Variants in RALGPS1 observed in about 807,000 individuals in gnomAD.
The protein encoded by RALGPS1 is ras-specific guanine nucleotide-releasing factor RalGPS1.
Under a neutral mutation model 78.8 loss-of-function variants are expected in RALGPS1, and 19 were observed. That is an observed-to-expected ratio of 0.24 (90% confidence interval 0.17 to 0.35). The LOEUF (loss-of-function observed/expected upper bound fraction) is 0.35. Ranked by LOEUF, RALGPS1 falls within the 10% of genes least tolerant of loss-of-function variation. The pLI is 1.00. For synonymous variants in RALGPS1, 228 were observed against 256.3 expected, an observed-to-expected ratio of 0.89 and a Z score of 1.06; for missense variants, 454 against 688.3, an observed-to-expected ratio of 0.66 and a Z score of 3.81.
chr9:126,986,053 A>C (rs2133032119), intron 4 of RALGPS1, among the ~76,000 whole-genome samples: 1 of 152,360 alleles, frequency 6.6e-6, no homozygotes, highest in Non-Finnish European at 1.5e-5. Flanking sequence ...TGGTGAGCTC[A>C]GCCTTTTGAA....
chr9:127,158,102 C>G (rs2058805977), intron 8 of RALGPS1, among the ~76,000 whole-genome samples: 1 of 152,016 alleles, frequency 6.6e-6, no homozygotes, highest in African/African-American at 2.4e-5. Flanking sequence ...AATGGTTATG[C>G]TAGAATCGTA....
intron 4 of RALGPS1, among the ~76,000 whole-genome samples, chr9:126,999,375 G>A (rs1243152137): frequency 2.0e-5 from 3 of 152,118 alleles, no homozygotes; most frequent in African/African-American, 4.8e-5. Context: ...AATTCGTGGT[G>A]TTGTGCATTC....
At chr9:127,045,454 A>G (rs953229617) in intron 5 of RALGPS1, among the ~76,000 whole-genome samples, 1 of 152,192 alleles carries the variant, frequency 6.6e-6, no homozygotes, top group Non-Finnish European at 1.5e-5. Flanking sequence ...ATGGGTAACA[A>G]TTCTGAAACC....
At chr9:127,188,873 G>A (rs1413643532) in intron 11 of RALGPS1, among the ~76,000 whole-genome samples, 4 of 117,128 alleles carry the variant, frequency 3.4e-5, no homozygotes, top group Non-Finnish European at 5.7e-5. Flanking sequence ...TGTGGCGTAC[G>A]CCTATAATCC....
intron 4 of RALGPS1, among the ~76,000 whole-genome samples, chr9:126,982,233 G>A (rs1227557809): frequency 6.6e-6 from 1 of 152,218 alleles, no homozygotes; most frequent in Non-Finnish European, 1.5e-5. Context: ...ACACCAGCAA[G>A]TAGGAAGTGG....
chr9:126,944,733 C>T (rs1018820319), intron 1 of RALGPS1, among the ~76,000 whole-genome samples: 3 of 152,074 alleles, frequency 2.0e-5, no homozygotes, highest in East Asian at 3.8e-4. Flanking sequence ...TTAATAGGTA[C>T]CACACTGTTT....
intron 2 of RALGPS1, among the ~76,000 whole-genome samples, chr9:126,964,739 AGTTCCTG>A (rs1181759983): frequency 3.3e-5 from 5 of 150,872 alleles, no homozygotes; most frequent in African/African-American, 1.2e-4. Context: ...TGCAGGTTTA[AGTTCCTG>A]CTCCTCTTTT....
chr9:127,165,927 G>T (rs1009956449), intron 8 of RALGPS1, 142 bp from the exon 9 acceptor site: 1 of 1,274,444 alleles, frequency 7.8e-7, no homozygotes, highest in Non-Finnish European at 1.0e-6. Context: ...TAGTAATCAG[G>T]ATTGGAATTA....
At chr9:127,092,061 A>G in intron 8 of RALGPS1, 9 of 1,251,086 alleles carry the variant, frequency 7.2e-6, no homozygotes, top group Non-Finnish European at 1.0e-5. Context: ...CATGAAGCAG[A>G]CCTGGTTCAG....
At chr9:127,174,128 C>A (rs940949769) in intron 10 of RALGPS1, among the ~76,000 whole-genome samples, 1 of 151,342 alleles carries the variant, frequency 6.6e-6, no homozygotes, top group African/African-American at 2.4e-5. Flanking sequence ...GGGTTGGGGA[C>A]GCATGCCTGT....
At position 127,168,180 on chromosome 9, in the gene RALGPS1, A is replaced by C. The variant is rs151335125; in HGVS notation, c.749-499A>C. ...TTTCTTCCTAGGGTGCAGCAGCTCC[A>C]GTCATAGGCCAGCTTCTGGGTTAGG... On this transcript the variant is annotated intron_variant, in intron 9 of 18. Transcript: ENST00000259351. Among the ~76,000 whole-genome samples the C allele has an allele frequency of 3.9e-4, 59 of 152,310 alleles. 1 individual carries two copies. In the East Asian group the frequency reaches 0.011, roughly 27 times the overall value.
chr9:127,090,981 G>C (rs1241877254), intron 8 of RALGPS1, among the ~76,000 whole-genome samples: 1 of 152,208 alleles, frequency 6.6e-6, no homozygotes, highest in Non-Finnish European at 1.5e-5. Flanking sequence ...ACCTAGATTT[G>C]AAGCATGTGA....
At chr9:127,171,681 C>T (rs1191078700) in intron 10 of RALGPS1, among the ~76,000 whole-genome samples, 1 of 152,198 alleles carries the variant, frequency 6.6e-6, no homozygotes, top group Non-Finnish European at 1.5e-5. Flanking sequence ...ATCACTTGAA[C>T]CTGGGAGGCA....
chr9:127,192,301 G>C (rs753348881), intron 11 of RALGPS1, among the ~76,000 whole-genome samples: 14 of 152,254 alleles, frequency 9.2e-5, no homozygotes, highest in Non-Finnish European at 1.9e-4. Context: ...AAGTTGCCGT[G>C]TGGCAGGAGC....
intron 1 of RALGPS1, among the ~76,000 whole-genome samples, chr9:126,952,359 T>C (rs375102333): frequency 6.6e-6 from 1 of 152,084 alleles, no homozygotes; most frequent in Non-Finnish European, 1.5e-5. Flanking sequence ...AGGGAGCCGG[T>C]AAACAGTGGA....
intron 5 of RALGPS1, among the ~76,000 whole-genome samples, chr9:127,044,551 C>T (rs753978611): frequency 5.9e-5 from 9 of 152,088 alleles, no homozygotes; most frequent in Non-Finnish European, 1.0e-4. Flanking sequence ...TCACAGTGCC[C>T]GGCCCGAATC....
At chr9:126,962,441 C>A (rs2038983761) in intron 2 of RALGPS1, 95 bp downstream of exon 2, 1 of 1,250,644 alleles carries the variant, frequency 8.0e-7, no homozygotes, top group Non-Finnish European at 1.2e-6. Flanking sequence ...GGCAGTAGGG[C>A]TCTGTGAATA....
chr9:127,127,330 A>G (rs1459332875), intron 8 of RALGPS1, among the ~76,000 whole-genome samples: 1 of 152,072 alleles, frequency 6.6e-6, no homozygotes, highest in East Asian at 1.9e-4. Flanking sequence ...TTTGGTCCAG[A>G]GTTTGTAATT....
chr9:126,926,119 A>G (rs79532213), intron 1 of RALGPS1, among the ~76,000 whole-genome samples: 15 of 152,366 alleles, frequency 9.8e-5, no homozygotes, highest in South Asian at 4.1e-4. Flanking sequence ...GTGGTTTCCA[A>G]TATAGCAGTT....
Sources: gnomAD v4.1 joint callset for allele counts (sites outside exome capture counted in the v4.1 genomes callset) on GRCh38, gnomAD v4.1.1 for gene constraint, MANE v1.5 for transcripts, NCBI Gene and HGNC (gene_info 2026-07-23, HGNC 2026-07-21) for gene names.